The following ITGAV variants were observed in gnomAD, a reference collection of about 807,000 sequenced individuals.
ITGAV encodes integrin subunit alpha V.
Under a neutral mutation model 143.8 loss-of-function variants are expected in ITGAV, and 76 were observed. The observed-to-expected ratio is 0.53, with a 90% confidence interval of 0.44 to 0.64. ITGAV has a LOEUF of 0.64. Ranked by LOEUF, ITGAV falls within the 30% of genes least tolerant of loss-of-function variation. ITGAV has a pLI of 0.00. For missense variants in ITGAV, 1,193 were observed against 1,274.7 expected (o/e 0.94, Z 0.98); for synonymous variants, 453 against 446.7 (o/e 1.01, Z -0.18).
chr2:186,602,172 T>G, intron 2 of ITGAV, 21 bp downstream of exon 2: 1 of 1,597,020 alleles, frequency 6.3e-7, no homozygotes, highest in Non-Finnish European at 8.5e-7. Flanking sequence ...ATGCACAATT[T>G]TCTTTTCATT....
chr2:186,628,075 G>A lies in ITGAV; in HGVS notation c.523+2488G>A, dbSNP rs138910761. Among the ~76,000 whole-genome samples the A allele has an allele frequency of 1.9e-3, 286 of 152,116 alleles. 1 individual carries two copies. The highest frequency in any genetic ancestry group is 6.5e-3 in the African/African-American group (271 of 41,514). On this transcript the variant is annotated intron_variant, in intron 4 of 29. Coordinates refer to ENST00000261023, the MANE Select transcript of ITGAV (RefSeq NM_002210.5). ...TGCTGACAATCCACCTATAGCTATG[G>A]GTAATTCACCTAACCACTCTGGGCC...
chr2:186,645,764 G>A (rs1688238957), intron 12 of ITGAV, among the ~76,000 whole-genome samples: 1 of 151,280 alleles, frequency 6.6e-6, no homozygotes, highest in African/African-American at 2.4e-5. Context: ...TCAGGAGATC[G>A]AGACCATCCT....
chr2:186,636,292 T>C lies in ITGAV; in HGVS notation c.757+85T>C, dbSNP rs772289319. 4 of 1,076,182 alleles carry C rather than the reference T, an allele frequency of 3.7e-6. No homozygotes were observed. In the Admixed American group the frequency reaches 7.6e-5, roughly 21 times the overall value. 66.7% of individuals were successfully genotyped at this position (1,076,182 alleles called of 1,614,324 possible). ...GTATGGTCTTTTAAGTAGAAAAATA[T>C]TTTATGTGAAATAGATTAGGATTTT... is the stretch of plus-strand genomic sequence containing the variant. On this transcript the variant is annotated intron_variant, in intron 7 of 29. Transcript: ENST00000261023.
intron 1 of ITGAV, among the ~76,000 whole-genome samples, chr2:186,593,554 T>C (rs1212726582): frequency 6.6e-6 from 1 of 152,176 alleles, no homozygotes; most frequent in Non-Finnish European, 1.5e-5. Flanking sequence ...AGTCATACTT[T>C]TCTTGTGGAG....
intron 4 of ITGAV, among the ~76,000 whole-genome samples, chr2:186,628,120 AAC>A (rs1446866940): frequency 6.6e-6 from 1 of 152,162 alleles, no homozygotes; most frequent in African/African-American, 2.4e-5. Flanking sequence ...TCATTGGTAA[AAC>A]ACCAATTCAC....
chr2:186,653,285 A>G (rs1347032633), intron 15 of ITGAV, among the ~76,000 whole-genome samples: 2 of 152,128 alleles, frequency 1.3e-5, no homozygotes. Flanking sequence ...AGAAACCAGT[A>G]TCTTTCTCAT....
intron 4 of ITGAV, among the ~76,000 whole-genome samples, chr2:186,625,892 A>C (rs1687665244): frequency 6.6e-6 from 1 of 151,992 alleles, no homozygotes; most frequent in South Asian, 2.1e-4. Flanking sequence ...GCTTAGTTGA[A>C]CTTCTCTTAA....
intron 4 of ITGAV, among the ~76,000 whole-genome samples, 198 bp downstream of exon 4, chr2:186,625,785 T>C (rs969208643): frequency 2.6e-5 from 4 of 152,144 alleles, no homozygotes; most frequent in Non-Finnish European, 4.4e-5. Context: ...AGGTTTACTT[T>C]TTCTAAGAAC....
intron 1 of ITGAV, among the ~76,000 whole-genome samples, chr2:186,600,896 A>T (rs1209415248): frequency 2.0e-5 from 3 of 151,686 alleles, no homozygotes; most frequent in African/African-American, 4.8e-5. Context: ...GAGGTGGAGG[A>T]TACAGTGAGC....
rs1164784125 is a variant in ITGAV at position 186,659,186 on chromosome 2, C to T, written c.1857+11C>T. 1.3e-6 allele frequency: 2 copies of T among 1,511,060 alleles called. No homozygotes were observed. Among genetic ancestry groups the T allele is most frequent in the Non-Finnish European group, 8.8e-7 (1 of 1,130,182 alleles). The allele number at this position is 1,511,060 out of a possible 1,614,324, so 93.6% of individuals were successfully genotyped here. A position where few individuals can be genotyped will look rare whatever the true frequency, so the allele number is the denominator to read the frequency against. ...AACATTAGTCGACAGGTACTGTACT[C>T]AGTTTACCACTAATGTGATATTTTG... is the stretch of plus-strand genomic sequence containing the variant. On this transcript the variant is annotated intron_variant, in intron 18 of 29. Transcript: ENST00000261023.
In ITGAV at chr2:186,642,873, C is replaced by A. The variant is rs565120928; in HGVS notation, c.1159+1285C>A. Among the ~76,000 whole-genome samples, 6 of 152,258 alleles carry A rather than the reference C, an allele frequency of 3.9e-5. No individual in the cohort carries two copies. In the South Asian group the frequency reaches 1.2e-3, roughly 32 times the overall value. On this transcript the variant is annotated intron_variant, in intron 12 of 29. Coordinates refer to ENST00000261023, the MANE Select transcript of ITGAV (RefSeq NM_002210.5). The stretch of plus-strand genomic sequence containing the variant: ...GGTAGGGAACATCTACTCAGAGGTA[C>A]ATCTGCTACCTAAAATAGAGGCTTA...
chr2:186,636,081 G>C lies in ITGAV; in HGVS notation c.632-1G>C. On this transcript the variant is annotated splice_acceptor_variant, in intron 6 of 29. Coordinates refer to ENST00000261023, the MANE Select transcript of ITGAV (RefSeq NM_002210.5). LOFTEE classifies it high-confidence loss of function. ...TATTTTATATATACACCCTTTTTTA[G>C]GTCAGCTTATTTCGGATCAAGTGGC... 6.2e-7 allele frequency: 1 copy of C among 1,608,916 alleles called. No individual in the cohort carries two copies. The highest frequency in any genetic ancestry group is 8.5e-7 in the Non-Finnish European group (1 of 1,178,070).
At chr2:186,670,321 C>G (rs573823504) in intron 26 of ITGAV, among the ~76,000 whole-genome samples, 1 of 147,178 alleles carries the variant, frequency 6.8e-6, no homozygotes, top group African/African-American at 2.5e-5. Flanking sequence ...TGTTTTTTGA[C>G]ACAGAGCCTC....
Position 186,590,346 on chromosome 2 carries a change from T to C in ITGAV, c.8T>C (p.Phe3Ser). The C allele has an allele frequency of 6.3e-7, 1 of 1,583,246 alleles. No homozygotes were observed. The highest frequency in any genetic ancestry group is 8.6e-7 in the Non-Finnish European group (1 of 1,167,390). Residue 3 changes from phenylalanine to serine, a missense_variant, in exon 1 of 30, where the codon TTT becomes TCT. Transcript: ENST00000261023. The part of the protein sequence containing the change: MA[F>S]PPRRRLRLGP... ...CCCGCGCGCACTTCGGCGATGGCTT[T>C]TCCGCCGCGGCGACGGCTGCGCCTC...
rs749334853 is a variant in ITGAV at position 186,675,660 on chromosome 2, A to G, written c.2763A>G (p.Arg921=). The G allele has an allele frequency of 1.9e-6, 3 of 1,614,130 alleles. No homozygotes were observed. The highest frequency in any genetic ancestry group is 1.1e-5 in the South Asian group (1 of 91,090). The part of the protein sequence containing the change: ...KIVCQVGRLD[R]GKSAILYVKS... ...TCTGCCAAGTTGGGAGATTAGACAG[A>G]GGAAAGAGTGCAATCTTGTACGTAA... Residue 921 remains arginine (R), a synonymous_variant, in exon 27 of 30, where the codon AGA becomes AGG. Transcript: ENST00000261023.
chr2:186,639,891 A>G (rs1688054927), intron 10 of ITGAV, among the ~76,000 whole-genome samples: 1 of 152,212 alleles, frequency 6.6e-6, no homozygotes, highest in African/African-American at 2.4e-5. Flanking sequence ...ATTCTGTTAC[A>G]TAGTCGGCAC....
At chr2:186,628,009 A>G (rs1472327599) in intron 4 of ITGAV, among the ~76,000 whole-genome samples, 1 of 152,156 alleles carries the variant, frequency 6.6e-6, no homozygotes, top group Non-Finnish European at 1.5e-5. Flanking sequence ...AAGAAGACTC[A>G]GGAGCGGAAG....
In ITGAV at chr2:186,677,405, T is replaced by C. The variant is rs200562059; in HGVS notation, c.*113T>C. ...TCCAAGGCTTTACTGCTGATAGTGC[T>C]AATTGGCATTAACCACAAAATGAGA... is the stretch of plus-strand genomic sequence containing the variant. On this transcript the variant is annotated 3_prime_UTR_variant, in exon 30 of 30. Coordinates refer to ENST00000261023, the MANE Select transcript of ITGAV (RefSeq NM_002210.5). 2.8e-6 allele frequency: 2 copies of C among 711,672 alleles called. No individual in the cohort carries two copies. The highest frequency in any genetic ancestry group is 2.4e-6 in the Non-Finnish European group (1 of 412,016). The allele number at this position is 711,672 out of a possible 1,614,324, so 44.1% of individuals were successfully genotyped here.
chr2:186,670,114 G>A (rs553728871), intron 26 of ITGAV, among the ~76,000 whole-genome samples: 6 of 152,140 alleles, frequency 3.9e-5, no homozygotes, highest in South Asian at 2.1e-4. Context: ...GCTTTAGTAC[G>A]ATACTAAAAA....
Sources: gnomAD v4.1 joint callset for allele counts (sites outside exome capture counted in the v4.1 genomes callset) on GRCh38, gnomAD v4.1.1 for gene constraint, MANE v1.5 for transcripts, NCBI Gene and HGNC (gene_info 2026-07-23, HGNC 2026-07-21) for gene names.